The following RBFOX1 variants were observed in gnomAD, a reference collection of about 807,000 sequenced individuals.
The protein encoded by RBFOX1 is RNA binding fox-1 homolog 1, also known as RNA binding protein fox-1 homolog 1.
A neutral mutation model predicts 57.7 loss-of-function variants in RBFOX1; 8 were observed. The ratio of observed to expected loss-of-function variants is 0.14; its 90% CI spans 0.08 to 0.25. RBFOX1 has a LOEUF of 0.25. Ranked by LOEUF, RBFOX1 falls within the 10% of genes least tolerant of loss-of-function variation. RBFOX1 has a pLI of 1.00. For missense variants in RBFOX1, 611 were observed against 548.5 expected (o/e 1.11, Z -1.14); for synonymous variants, 326 against 222.4 (o/e 1.47, Z -4.15).
At chr16:6,504,950 G>A (rs1239250680) in intron 2 of RBFOX1, among the ~76,000 whole-genome samples, 1 of 152,012 alleles carries the variant, frequency 6.6e-6, no homozygotes, top group Non-Finnish European at 1.5e-5. Flanking sequence ...GCAGGTGCCT[G>A]TAATCCCAGC....
intron 4 of RBFOX1, among the ~76,000 whole-genome samples, chr16:7,139,174 C>CTGTGTGTGTGTGTGTGTGTG (rs1276311817): frequency 8.8e-5 from 2 of 22,738 alleles, no homozygotes; most frequent in African/African-American, 1.8e-4. Flanking sequence ...ATCAATCTCT[C>CTGTGTGTGTGTGTGTGTGTG]TCTGTGTGTG....
intron 4 of RBFOX1, among the ~76,000 whole-genome samples, chr16:7,340,874 A>C (rs559570793): frequency 9.8e-5 from 15 of 152,324 alleles, no homozygotes; most frequent in African/African-American, 2.6e-4. Context: ...GTCTTGCTGC[A>C]GCAGCCATCT....
At chr16:7,560,215 C>T (rs934326935) in intron 5 of RBFOX1, among the ~76,000 whole-genome samples, 4 of 152,226 alleles carry the variant, frequency 2.6e-5, no homozygotes, top group African/African-American at 7.2e-5. Flanking sequence ...GCAAAATCTG[C>T]ACCTTGCTAA....
At chr16:7,166,375 G>A (rs2079513184) in intron 4 of RBFOX1, among the ~76,000 whole-genome samples, 1 of 152,116 alleles carries the variant, frequency 6.6e-6, no homozygotes, top group Admixed American at 6.5e-5. Flanking sequence ...GAGCTTACAG[G>A]TGAGGTTCTG....
chr16:6,877,516 G>C (rs1446385480), intron 3 of RBFOX1, among the ~76,000 whole-genome samples: 1 of 152,134 alleles, frequency 6.6e-6, no homozygotes, highest in East Asian at 1.9e-4. Flanking sequence ...AAAGGAAAAA[G>C]AGCATCGACT....
chr16:5,493,413 C>T lies in RBFOX1; in HGVS notation c.258+26159C>T, dbSNP rs144745183. Among the ~76,000 whole-genome samples the T allele has an allele frequency of 1.8e-4, 28 of 152,150 alleles. No homozygotes were observed. In the East Asian group the frequency reaches 4.8e-3, roughly 26 times the overall value. On this transcript the variant is annotated intron_variant, in intron 2 of 2. Transcript: ENST00000585867. ...ACCCTCCGCACCCTCTGTGTGTTTC[C>T]TCCTGTGAAAAAGGCCTACCTGAGA... is the stretch of plus-strand genomic sequence containing the variant.
chr16:6,857,636 G>A (rs75439141), intron 3 of RBFOX1, among the ~76,000 whole-genome samples: 3,804 of 152,242 alleles, frequency 0.025, 177 homozygotes, highest in East Asian at 0.19. Context: ...GTTAAACTGT[G>A]TAAGATGCCC....
intron 3 of RBFOX1, among the ~76,000 whole-genome samples, chr16:7,006,911 T>C (rs1039338249): frequency 1.3e-5 from 2 of 152,204 alleles, no homozygotes; most frequent in Admixed American, 6.5e-5. Context: ...CCTCCCCATA[T>C]GGACGCACCG....
intron 3 of RBFOX1, among the ~76,000 whole-genome samples, chr16:6,982,133 A>G (rs2089070880): frequency 1.3e-5 from 2 of 152,182 alleles, no homozygotes; most frequent in Non-Finnish European, 2.9e-5. Flanking sequence ...AATTAGTGAT[A>G]CGAAGAGTTA....
intron 3 of RBFOX1, among the ~76,000 whole-genome samples, chr16:6,970,752 A>T (rs1309736812): frequency 2.0e-5 from 3 of 152,234 alleles, no homozygotes; most frequent in African/African-American, 7.2e-5. Context: ...GGACATATAC[A>T]TTCAGACCAT....
chr16:6,915,446 TA>T (rs2072894996), intron 3 of RBFOX1, among the ~76,000 whole-genome samples: 1 of 152,200 alleles, frequency 6.6e-6, no homozygotes, highest in South Asian at 2.1e-4. Context: ...ATTTCCTTGA[TA>T]ACTTTTCAAA....
At chr16:6,669,361 G>C (rs1173468938) in intron 3 of RBFOX1, among the ~76,000 whole-genome samples, 1 of 152,090 alleles carries the variant, frequency 6.6e-6, no homozygotes, top group African/African-American at 2.4e-5. Context: ...GCAATTCTGG[G>C]TTAGGATTTA....
intron 3 of RBFOX1, among the ~76,000 whole-genome samples, chr16:6,656,379 C>T (rs2098651917): frequency 6.6e-6 from 1 of 152,122 alleles, no homozygotes; most frequent in Non-Finnish European, 1.5e-5. Context: ...AACCTGAGCT[C>T]CATCACGCAC....
At chr16:6,808,124 T>C (rs949921159) in intron 3 of RBFOX1, among the ~76,000 whole-genome samples, 2 of 148,876 alleles carry the variant, frequency 1.3e-5, no homozygotes, top group Admixed American at 6.7e-5. Context: ...GCAATATGCA[T>C]AGAACTATAT....
intron 1 of RBFOX1, among the ~76,000 whole-genome samples, chr16:6,149,191 T>C (rs887425157): frequency 6.6e-6 from 1 of 152,250 alleles, no homozygotes; most frequent in Non-Finnish European, 1.5e-5. Flanking sequence ...TAAAATCAAT[T>C]AAGTTCTTTG....
At chr16:5,709,825 ATATATATATATATATATATTTTTTTTTTT>A (rs1332726408) in intron 3 of RBFOX1, among the ~76,000 whole-genome samples, 37 of 13,064 alleles carry the variant, frequency 2.8e-3, no homozygotes, top group Admixed American at 8.6e-3. Flanking sequence ...ATATATATAT[ATATATATATATATATATATTTTTTTTTTT>A]TTTTTTTTTT....
At chr16:6,790,333 C>T (rs976817467) in intron 3 of RBFOX1, among the ~76,000 whole-genome samples, 31 of 151,792 alleles carry the variant, frequency 2.0e-4, no homozygotes, top group Non-Finnish European at 2.4e-4. Flanking sequence ...TACAGGCACC[C>T]GCCACCATGC....
At chr16:5,424,302 G>T (rs1402009412) in intron 1 of RBFOX1, among the ~76,000 whole-genome samples, 2 of 152,170 alleles carry the variant, frequency 1.3e-5, no homozygotes, top group Non-Finnish European at 2.9e-5. Context: ...GCCCATGCAG[G>T]TTTCACTGAT....
chr16:6,862,967 A>G (rs2059276589), intron 3 of RBFOX1, among the ~76,000 whole-genome samples: 1 of 142,694 alleles, frequency 7.0e-6, no homozygotes, highest in African/African-American at 2.4e-5. Flanking sequence ...CCTGGGCGAC[A>G]GAGGGAGACT....
Sources: gnomAD v4.1 joint callset for allele counts (sites outside exome capture counted in the v4.1 genomes callset) on GRCh38, gnomAD v4.1.1 for gene constraint, MANE v1.5 for transcripts, NCBI Gene and HGNC (gene_info 2026-07-23, HGNC 2026-07-21) for gene names.